Variants in ATP8B1 observed in about 807,000 individuals in gnomAD.
ATP8B1 encodes ATPase phospholipid transporting 8B1, also known as phospholipid-transporting ATPase IC.
In ATP8B1, 80 loss-of-function variants were observed where a neutral mutation model predicts 149.9. The observed-to-expected ratio is 0.53, with a 90% CI of 0.45 to 0.64. The LOEUF (loss-of-function observed/expected upper bound fraction) is 0.64. Ranked by LOEUF, ATP8B1 falls within the 30% of genes least tolerant of loss-of-function variation. The pLI is 0.00. For synonymous variants in ATP8B1, 536 were observed against 562.8 expected (o/e 0.95, Z 0.67); for missense variants, 1,247 against 1,552.6 (o/e 0.80, Z 3.31).
intron 2 of ATP8B1, among the ~76,000 whole-genome samples, chr18:57,730,240 G>T (rs758016575): frequency 3.0e-4 from 45 of 149,616 alleles, no homozygotes; most frequent in African/African-American, 5.9e-4. Flanking sequence ...AACTAGAGGG[G>T]GGGTTTGGCA....
intron 1 of ATP8B1, among the ~76,000 whole-genome samples, chr18:57,756,307 A>ATATATATG (rs2080082908): frequency 7.1e-6 from 1 of 141,644 alleles, no homozygotes; most frequent in African/African-American, 2.7e-5. Flanking sequence ...GTATGTATAT[A>ATATATATG]TATATATATT....
chr18:57,678,511 C>T (rs112055485), intron 15 of ATP8B1, among the ~76,000 whole-genome samples: 6 of 148,514 alleles, frequency 4.0e-5, no homozygotes, highest in African/African-American at 7.5e-5. Context: ...CGCATAAACC[C>T]GGGAGGCAGA....
intron 1 of ATP8B1, among the ~76,000 whole-genome samples, chr18:57,760,255 TA>T (rs1393793953): frequency 1.3e-5 from 2 of 152,206 alleles, no homozygotes; most frequent in East Asian, 3.8e-4. Flanking sequence ...ATATCATGAT[TA>T]ACAAAGTCTT....
intron 19 of ATP8B1, chr18:57,667,651 C>A (rs936279023): frequency 5.1e-6 from 1 of 194,360 alleles, no homozygotes; most frequent in Non-Finnish European, 1.1e-5. Context: ...GCTATATTAT[C>A]AAACATATAA....
At chr18:57,713,585 G>C (rs916173718) in intron 2 of ATP8B1, among the ~76,000 whole-genome samples, 2 of 151,604 alleles carry the variant, frequency 1.3e-5, no homozygotes, top group Non-Finnish European at 2.9e-5. Context: ...CCACCTACCG[G>C]GTTCAAGCAA....
rs1202672803 is a variant in ATP8B1, at chr18:57,668,568, A to AAAAAAAG, written c.2098-29_2098-28insCTTTTTT. On this transcript the variant is annotated intron_variant, in intron 18 of 27. Transcript: ENST00000648908. ...AGAATGTATATTAAAAAAAAAAAAA[A>AAAAAAAG]AAGGAATTAGCAAACAAACCAAAAG... 1.4e-6 allele frequency: 2 copies of AAAAAAAG among 1,449,714 alleles called. 1 individual carries two copies. Among genetic ancestry groups the AAAAAAAG allele is most frequent in the Non-Finnish European group, 1.9e-6 (2 of 1,062,894 alleles). 89.8% of individuals were successfully genotyped at this position (1,449,714 alleles called of 1,614,324 possible).
rs149118287 is a variant in ATP8B1, at chr18:57,741,827, A to T, written c.-25-9995T>A. Reference sequence around the variant, plus strand: ...AGAAATCTTCTCTATTTTCCTAGTTAGTCCAGACACATGCCACACCCTGTT... The same window carrying T: ...AGAAATCTTCTCTATTTTCCTAGTTTGTCCAGACACATGCCACACCCTGTT... On this transcript the variant is annotated intron_variant, in intron 1 of 27. Coordinates refer to ENST00000648908, the MANE Select transcript of ATP8B1 (RefSeq NM_001374385.1). Among the ~76,000 whole-genome samples the T allele has an allele frequency of 5.3e-5, 8 of 152,286 alleles. No homozygotes were observed. The East Asian group carries it at 1.4e-3, about 26-fold the overall frequency.
intron 1 of ATP8B1, among the ~76,000 whole-genome samples, chr18:57,790,307 C>T (rs184143887): frequency 5.3e-5 from 8 of 151,700 alleles, no homozygotes; most frequent in Non-Finnish European, 8.8e-5. Flanking sequence ...CCTGCCCCCA[C>T]CCCCATCCCC....
chr18:57,756,242 TACACACAC>T (rs541129488), intron 1 of ATP8B1, among the ~76,000 whole-genome samples: 1 of 113,126 alleles, frequency 8.8e-6, no homozygotes, highest in Non-Finnish European at 1.9e-5. Context: ...CACACATATA[TACACACAC>T]ACATATATAT....
At chr18:57,736,176 G>C (rs1193494153) in intron 1 of ATP8B1, among the ~76,000 whole-genome samples, 1 of 152,078 alleles carries the variant, frequency 6.6e-6, no homozygotes, top group Non-Finnish European at 1.5e-5. Context: ...TGGCTGCAGG[G>C]ATTATTTGTT....
chr18:57,719,390 C>A (rs1262160784), intron 2 of ATP8B1, among the ~76,000 whole-genome samples: 1 of 152,178 alleles, frequency 6.6e-6, no homozygotes, highest in Non-Finnish European at 1.5e-5. Context: ...TGGGCGCAGG[C>A]CAGTGGGTGC....
intron 1 of ATP8B1, among the ~76,000 whole-genome samples, chr18:57,753,956 AGAAAAG>A (rs2080050909): frequency 4.8e-5 from 2 of 41,802 alleles, no homozygotes; most frequent in Non-Finnish European, 8.8e-5. Context: ...AAAGAAAGAA[AGAAAAG>A]AAAAAAAAAA....
At chr18:57,666,915 C>CT (rs1910895742) in intron 20 of ATP8B1, among the ~76,000 whole-genome samples, 177 bp downstream of exon 20, 1 of 152,172 alleles carries the variant, frequency 6.6e-6, no homozygotes, top group Non-Finnish European at 1.5e-5. Context: ...CAAATTTAGG[C>CT]TGCACCTTGA....
chr18:57,760,197 C>T (rs1012969278), intron 1 of ATP8B1, among the ~76,000 whole-genome samples: 1 of 152,092 alleles, frequency 6.6e-6, no homozygotes, highest in African/African-American at 2.4e-5. Flanking sequence ...TTTTAATTCC[C>T]GGTAGAAATG....
chr18:57,648,347 A>G lies in ATP8B1; in HGVS notation c.*141T>C, dbSNP rs1909315900. 9.8e-7 allele frequency: 1 copy of G among 1,021,072 alleles called. No homozygotes were observed. 63.3% of individuals were successfully genotyped at this position (1,021,072 alleles called of 1,614,324 possible). A position where few individuals can be genotyped will look rare whatever the true frequency, so the allele number is the denominator to read the frequency against. On this transcript the variant is annotated 3_prime_UTR_variant, in exon 28 of 28. Transcript: ENST00000648908. Reference sequence around the variant, plus strand: ...CTGCTATTGTTTAATAGTCCAACCCAAGGAGTTTGTTATAAAGATTATTTA... The same window carrying G: ...CTGCTATTGTTTAATAGTCCAACCCGAGGAGTTTGTTATAAAGATTATTTA...
chr18:57,765,894 C>A (rs901141330), intron 1 of ATP8B1, among the ~76,000 whole-genome samples: 1 of 151,124 alleles, frequency 6.6e-6, no homozygotes, highest in South Asian at 2.1e-4. Context: ...ATCGCTCGAA[C>A]CCCGGAGGCA....
rs148275843 is a variant in ATP8B1, at chr18:57,713,155, TTC to T, written c.182-6570_182-6569del. ...GGGTGCTTTGTCTTGCTCTTGATCTTTCTCTTTCTTTCTTTCTTTCTTTCTTT... is the reference window on the plus strand; with the variant it reads ...GGGTGCTTTGTCTTGCTCTTGATCTTTCTTTCTTTCTTTCTTTCTTTCTTT... On this transcript the variant is annotated intron_variant, in intron 2 of 27. Coordinates refer to ENST00000648908, the MANE Select transcript of ATP8B1 (RefSeq NM_001374385.1). Among the ~76,000 whole-genome samples the T allele has an allele frequency of 3.1e-3, 406 of 129,068 alleles. 2 individuals carry two copies. Among genetic ancestry groups the T allele is most frequent in the African/African-American group, 0.011 (362 of 33,562 alleles). The allele number at this position is 129,068 out of a possible 152,430, so 84.7% of individuals were successfully genotyped here. A position where few individuals can be genotyped will look rare whatever the true frequency, so the allele number is the denominator to read the frequency against.
At chr18:57,691,433 A>G (rs938863861) in intron 12 of ATP8B1, among the ~76,000 whole-genome samples, 28 of 152,202 alleles carry the variant, frequency 1.8e-4, no homozygotes, top group African/African-American at 5.5e-4. Flanking sequence ...GACCACTTCC[A>G]AAAGGGAAAA....
intron 2 of ATP8B1, among the ~76,000 whole-genome samples, chr18:57,722,278 A>G (rs1460691563): frequency 3.5e-5 from 5 of 144,242 alleles, no homozygotes; most frequent in African/African-American, 1.2e-4. Flanking sequence ...AGAGACACAA[A>G]AAACCCTTCA....
Sources: allele counts gnomAD v4.1 joint callset (sites outside exome capture counted in the v4.1 genomes callset), GRCh38; gene constraint gnomAD v4.1.1; transcripts MANE v1.5; gene names NCBI Gene and HGNC (gene_info 2026-07-23, HGNC 2026-07-21).